Variants in EYA3 observed in about 807,000 individuals in gnomAD.
EYA3 encodes the protein EYA transcriptional coactivator and phosphatase 3, also known as protein phosphatase EYA3.
In EYA3, 39 loss-of-function variants were observed where a neutral mutation model predicts 80.0. That is an observed-to-expected ratio of 0.49 (90% CI 0.38 to 0.64). The LOEUF (loss-of-function observed/expected upper bound fraction) is 0.64. EYA3 is among the 30% of genes least tolerant of loss of function. The pLI, the probability that EYA3 is intolerant of heterozygous loss-of-function variation, is 0.00. For synonymous variants in EYA3, 206 were observed against 232.8 expected, an observed-to-expected ratio of 0.88 and a Z score of 1.05; for missense variants, 523 against 676.1, an observed-to-expected ratio of 0.77 and a Z score of 2.51.
At chr1:28,022,109 CA>C (rs1399241879) in intron 7 of EYA3, among the ~76,000 whole-genome samples, 1 of 152,150 alleles carries the variant, frequency 6.6e-6, no homozygotes, top group African/African-American at 2.4e-5. Flanking sequence ...CTGCTCCACA[CA>C]AGGAGCTTAG....
intron 1 of EYA3, among the ~76,000 whole-genome samples, chr1:28,079,257 T>C (rs1157498284): frequency 6.6e-6 from 1 of 152,232 alleles, no homozygotes; most frequent in East Asian, 1.9e-4. Context: ...ACTGTTGATA[T>C]TTCTACGCCC....
At chr1:28,006,606 C>T (rs1021828921) in intron 10 of EYA3, among the ~76,000 whole-genome samples, 5 of 151,556 alleles carry the variant, frequency 3.3e-5, no homozygotes, top group African/African-American at 4.8e-5. Flanking sequence ...CTCAGGAGTC[C>T]GAGGCAGGAG....
At position 27,974,322 on chromosome 1, in the gene EYA3, GGAGA is replaced by G. The variant is rs1373357424; in HGVS notation, c.*140_*143del. On this transcript the variant is annotated 3_prime_UTR_variant, in exon 18 of 18. Coordinates refer to ENST00000373871, the MANE Select transcript of EYA3 (RefSeq NM_001990.4). The stretch of plus-strand genomic sequence containing the variant: ...GAGAGGAAGGGAGGGAGGGAGAGAG[GGAGA>G]GAGAGAAAGAGAGAAAGAGAGAGAG... 8 of 501,762 alleles carry G rather than the reference GGAGA, an allele frequency of 1.6e-5. No individual in the cohort carries two copies. The highest frequency in any genetic ancestry group is 9.6e-5 in the East Asian group (3 of 31,146). The allele number at this position is 501,762 out of a possible 1,614,324, so 31.1% of individuals were successfully genotyped here.
intron 16 of EYA3, among the ~76,000 whole-genome samples, chr1:27,982,866 A>G (rs1297167995): frequency 2.0e-5 from 3 of 152,152 alleles, no homozygotes; most frequent in Admixed American, 6.5e-5. Context: ...CGCTTGGCCT[A>G]TTGTTTTTAA....
At chr1:28,050,168 C>T (rs1432110803) in intron 2 of EYA3, among the ~76,000 whole-genome samples, 1 of 147,940 alleles carries the variant, frequency 6.8e-6, no homozygotes, top group African/African-American at 2.5e-5. Context: ...TTTAAATTTA[C>T]TTTTTATTTA....
At chr1:28,076,737 C>CT (rs1024335865) in intron 1 of EYA3, among the ~76,000 whole-genome samples, 2,217 of 115,070 alleles carry the variant, frequency 0.019, 59 homozygotes, top group African/African-American at 0.045. Context: ...TTTATAATTT[C>CT]TTTTTTTTTT....
intron 3 of EYA3, among the ~76,000 whole-genome samples, chr1:28,046,841 TTTC>T (rs1447497301): frequency 9.5e-4 from 35 of 36,722 alleles, no homozygotes; most frequent in South Asian, 2.2e-3. Context: ...TTTATTTTTC[TTTC>T]TTTTTTTTTT....
intron 1 of EYA3, among the ~76,000 whole-genome samples, chr1:28,065,507 C>T (rs377297957): frequency 4.6e-5 from 7 of 151,660 alleles, no homozygotes; most frequent in Admixed American, 1.3e-4. Flanking sequence ...ATGATCCGCC[C>T]GCCTCGGCCT....
At chr1:28,061,003 ACT>A (rs1243767391) in intron 1 of EYA3, among the ~76,000 whole-genome samples, 6 of 152,214 alleles carry the variant, frequency 3.9e-5, no homozygotes, top group Non-Finnish European at 8.8e-5. Flanking sequence ...ACAGAGTGAG[ACT>A]CTGTCTCAAA....
chr1:27,979,963 G>A (rs1233584669), intron 16 of EYA3, among the ~76,000 whole-genome samples: 1 of 152,178 alleles, frequency 6.6e-6, no homozygotes, highest in Non-Finnish European at 1.5e-5. Context: ...CCTTAACCCA[G>A]TGGCACTTCA....
intron 8 of EYA3, 151 bp downstream of exon 8, chr1:28,017,003 C>A (rs1466020002): frequency 1.7e-6 from 1 of 584,414 alleles, no homozygotes; most frequent in Non-Finnish European, 3.0e-6. Flanking sequence ...AGATGCCATC[C>A]AGGGTCCGAG....
chr1:27,984,241 T>A (rs538093522), intron 16 of EYA3, among the ~76,000 whole-genome samples: 1 of 152,200 alleles, frequency 6.6e-6, no homozygotes, highest in Non-Finnish European at 1.5e-5. Flanking sequence ...GGCCTCACTA[T>A]GTTACCCACG....
chr1:28,021,464 T>G (rs574918373), intron 7 of EYA3, among the ~76,000 whole-genome samples: 13 of 152,188 alleles, frequency 8.5e-5, no homozygotes, highest in Non-Finnish European at 1.6e-4. Flanking sequence ...GTCTGTAAGC[T>G]CCAAAAAGGC....
chr1:28,084,576 TA>T, intron 1 of EYA3, among the ~76,000 whole-genome samples: 1 of 13,460 alleles, frequency 7.4e-5, no homozygotes, highest in Non-Finnish European at 1.7e-4. Context: ...TATATATATA[TA>T]TATATATATA....
intron 6 of EYA3, among the ~76,000 whole-genome samples, chr1:28,029,475 A>G (rs1012973000): frequency 2.0e-5 from 3 of 152,212 alleles, no homozygotes; most frequent in Admixed American, 6.5e-5. Flanking sequence ...GCAACCATAA[A>G]CAAAGCTTTG....
At chr1:28,085,202 G>A (rs1645606088) in intron 1 of EYA3, among the ~76,000 whole-genome samples, 1 of 152,144 alleles carries the variant, frequency 6.6e-6, no homozygotes, top group African/African-American at 2.4e-5. Flanking sequence ...TTTAATCTCA[G>A]CACTTTGAGA....
chr1:28,035,792 C>A (rs1643420503), intron 5 of EYA3, 112 bp from the exon 6 acceptor site: 1 of 1,031,588 alleles, frequency 9.7e-7, no homozygotes, highest in South Asian at 1.6e-5. Flanking sequence ...GGAGACTAAT[C>A]TTCCACATAA....
intron 7 of EYA3, among the ~76,000 whole-genome samples, chr1:28,027,459 T>C (rs1259250653): frequency 1.3e-5 from 2 of 152,152 alleles, no homozygotes; most frequent in Non-Finnish European, 2.9e-5. Flanking sequence ...TTCCAACCCA[T>C]GGAGTCTTCT....
intron 11 of EYA3, among the ~76,000 whole-genome samples, chr1:28,002,401 C>A (rs1295692998): frequency 6.6e-6 from 1 of 151,200 alleles, no homozygotes; most frequent in Admixed American, 6.6e-5. Flanking sequence ...AGCCACCACG[C>A]CTGGTCTTAT....
Sources: allele counts gnomAD v4.1 joint callset (sites outside exome capture counted in the v4.1 genomes callset), GRCh38; gene constraint gnomAD v4.1.1; transcripts MANE v1.5; gene names NCBI Gene and HGNC (gene_info 2026-07-23, HGNC 2026-07-21).